GREM2: variants seen among roughly 807,000 people sequenced by gnomAD.
The protein encoded by GREM2 is gremlin-2.
A neutral mutation model predicts 14.2 loss-of-function variants in GREM2; 11 were observed. That is an observed-to-expected ratio of 0.78 (90% CI 0.49 to 1.28). The LOEUF (loss-of-function observed/expected upper bound fraction) is 1.28. GREM2 is among the 50% of genes most tolerant of loss of function. GREM2 has a pLI of 0.00. For synonymous variants in GREM2, 98 were observed against 97.6 expected (o/e 1.00, Z -0.02); for missense variants, 210 against 218.5 (o/e 0.96, Z 0.24).
At chr1:240,608,860 C>A (rs10495473) in intron 1 of GREM2, among the ~76,000 whole-genome samples, 1 of 151,914 alleles carries the variant, frequency 6.6e-6, no homozygotes. Context: ...AGCCATTTGG[C>A]GACCGGAGTC....
At chr1:240,537,978 C>A (rs987495889) in intron 1 of GREM2, among the ~76,000 whole-genome samples, 4 of 152,156 alleles carry the variant, frequency 2.6e-5, no homozygotes, top group Non-Finnish European at 5.9e-5. Flanking sequence ...GGCAGAATGC[C>A]ATGCCCATTT....
At chr1:240,587,648 T>C (rs1450939394) in intron 1 of GREM2, among the ~76,000 whole-genome samples, 1 of 152,192 alleles carries the variant, frequency 6.6e-6, no homozygotes, top group Non-Finnish European at 1.5e-5. Flanking sequence ...CATTTTTTCA[T>C]GTAAATAGCT....
At chr1:240,563,350 G>T (rs983179335) in intron 1 of GREM2, among the ~76,000 whole-genome samples, 1 of 152,158 alleles carries the variant, frequency 6.6e-6, no homozygotes, top group Admixed American at 6.6e-5. Context: ...TGCTCCTCAG[G>T]CTAGGTTCAT....
At chr1:240,496,416 C>A (rs577439001) in intron 1 of GREM2, among the ~76,000 whole-genome samples, 1 of 152,304 alleles carries the variant, frequency 6.6e-6, no homozygotes, top group African/African-American at 2.4e-5. Flanking sequence ...GTCTTTCTCC[C>A]AAATGTCTAC....
At chr1:240,599,277 A>T (rs1444270598) in intron 1 of GREM2, among the ~76,000 whole-genome samples, 1 of 151,750 alleles carries the variant, frequency 6.6e-6, no homozygotes, top group South Asian at 2.1e-4. Flanking sequence ...CAAAAAAAAA[A>T]AAAAAATACA....
At chr1:240,557,874 C>T (rs553576433) in intron 1 of GREM2, among the ~76,000 whole-genome samples, 1 of 151,014 alleles carries the variant, frequency 6.6e-6, no homozygotes, top group Non-Finnish European at 1.5e-5. Context: ...TACAATATCA[C>T]CAGCAGATTA....
chr1:240,502,303 G>A (rs1369647430), intron 1 of GREM2, among the ~76,000 whole-genome samples: 1 of 152,172 alleles, frequency 6.6e-6, no homozygotes, highest in Non-Finnish European at 1.5e-5. Context: ...AATGGTGACA[G>A]AGCACATAGC....
intron 1 of GREM2, among the ~76,000 whole-genome samples, chr1:240,536,642 G>A (rs1678475642): frequency 7.9e-6 from 1 of 126,670 alleles, no homozygotes; most frequent in East Asian, 2.0e-4. Flanking sequence ...AATGGCAGCG[G>A]GGGCTGTAGA....
intron 1 of GREM2, among the ~76,000 whole-genome samples, chr1:240,559,432 C>T (rs1000080553): frequency 6.6e-6 from 1 of 150,486 alleles, no homozygotes; most frequent in African/African-American, 2.5e-5. Flanking sequence ...CAACATTTGC[C>T]TCCTGGGTTC....
chr1:240,560,097 G>A (rs1186233647), intron 1 of GREM2, among the ~76,000 whole-genome samples: 1 of 152,064 alleles, frequency 6.6e-6, no homozygotes, highest in Non-Finnish European at 1.5e-5. Flanking sequence ...ACCAGCCTAG[G>A]CAACACAGTG....
rs866472115 is a variant in GREM2, at chr1:240,547,646, A to G, written c.-1-54170T>C. 2.6e-5 allele frequency among the ~76,000 whole-genome samples: 4 copies of G among 151,916 alleles called. No homozygotes were observed. In the South Asian group the frequency reaches 8.3e-4, roughly 31 times the overall value. On this transcript the variant is annotated intron_variant, in intron 1 of 1. Coordinates refer to ENST00000318160, the MANE Select transcript of GREM2 (RefSeq NM_022469.4). ...AGATTCAAACTTTTAAGAATCTCCA[A>G]TGCCAGACAAAGAAACCTGGATTTG...
intron 1 of GREM2, among the ~76,000 whole-genome samples, chr1:240,587,174 C>G (rs774858939): frequency 9.9e-5 from 15 of 152,104 alleles, no homozygotes; most frequent in Non-Finnish European, 2.1e-4. Context: ...CACTAAGAAG[C>G]CTACCACTCA....
chr1:240,587,675 A>G, intron 1 of GREM2, among the ~76,000 whole-genome samples: 1 of 152,096 alleles, frequency 6.6e-6, no homozygotes, highest in East Asian at 1.9e-4. Flanking sequence ...TACTATTCTT[A>G]TTAGCTGCAT....
Position 240,492,904 on chromosome 1 carries a change from G to C in GREM2, c.*65C>G, listed in dbSNP as rs1677292101. On this transcript the variant is annotated 3_prime_UTR_variant, in exon 2 of 2. Coordinates refer to ENST00000318160, the MANE Select transcript of GREM2 (RefSeq NM_022469.4). ...ACAGTGGGCTCGGAGGGCAGGGACA[G>C]AGGCGGCGGCGGCGCCACCCAGCGG... 7.5e-7 allele frequency: 1 copy of C among 1,330,100 alleles called. No homozygotes were observed. The highest frequency in any genetic ancestry group is 9.6e-7 in the Non-Finnish European group (1 of 1,038,446). The allele number at this position is 1,330,100 out of a possible 1,614,324, so 82.4% of individuals were successfully genotyped here. A position where few individuals can be genotyped will look rare whatever the true frequency, so the allele number is the denominator to read the frequency against.
At chr1:240,526,036 G>A (rs563858637) in intron 1 of GREM2, among the ~76,000 whole-genome samples, 2 of 152,222 alleles carry the variant, frequency 1.3e-5, no homozygotes, top group East Asian at 3.9e-4. Context: ...GCCAAGAAAC[G>A]TACTCCTGCT....
chr1:240,606,381 A>G (rs1380143812), intron 1 of GREM2, among the ~76,000 whole-genome samples: 1 of 152,224 alleles, frequency 6.6e-6, no homozygotes, highest in African/African-American at 2.4e-5. Context: ...AATTTGAGCT[A>G]TTACAATGAA....
At chr1:240,526,452 C>T (rs192072516) in intron 1 of GREM2, among the ~76,000 whole-genome samples, 172 of 152,274 alleles carry the variant, frequency 1.1e-3, no homozygotes, top group African/African-American at 4.0e-3. Flanking sequence ...AACACTAATC[C>T]GGCAAGCATT....
At chr1:240,582,892 GACAA>G (rs112283358) in intron 1 of GREM2, among the ~76,000 whole-genome samples, 38,661 of 151,732 alleles carry the variant, frequency 0.25, 5,378 homozygotes, top group African/African-American at 0.36. Flanking sequence ...GATTCCAAAA[GACAA>G]ACAAAGTATA....
chr1:240,508,982 A>G (rs1677739899), intron 1 of GREM2, among the ~76,000 whole-genome samples: 1 of 152,250 alleles, frequency 6.6e-6, no homozygotes, highest in South Asian at 2.1e-4. Flanking sequence ...ATCCTCATTA[A>G]TAAGGACCAG....
Sources: allele counts gnomAD v4.1 joint callset (sites outside exome capture counted in the v4.1 genomes callset), GRCh38; gene constraint gnomAD v4.1.1; transcripts MANE v1.5; gene names NCBI Gene and HGNC (gene_info 2026-07-23, HGNC 2026-07-21).